KAT6B: variants seen among roughly 807,000 people sequenced by gnomAD.
The protein encoded by KAT6B is lysine acetyltransferase 6B.
A neutral mutation model predicts 187.5 loss-of-function variants in KAT6B; 10 were observed. The ratio of observed to expected loss-of-function variants is 0.05; its 90% CI spans 0.03 to 0.09. KAT6B has a LOEUF of 0.09. KAT6B is among the 10% of genes least tolerant of loss of function. The pLI is 1.00. For synonymous variants in KAT6B, 861 were observed against 926.8 expected (o/e 0.93, Z 1.29); for missense variants, 1,952 against 2,558.9 (o/e 0.76, Z 5.12).
intron 6 of KAT6B, among the ~76,000 whole-genome samples, chr10:74,970,668 C>G (rs1841788390): frequency 6.6e-6 from 1 of 152,076 alleles, no homozygotes; most frequent in Non-Finnish European, 1.5e-5. Flanking sequence ...ATATATTAAA[C>G]ATTTAAAAAT....
At position 74,910,803 on chromosome 10, in the gene KAT6B, A is replaced by G. The variant is rs546531371; in HGVS notation, c.622-49167A>G. ...AGATGTCACCACTCATTTTAATGGA[A>G]GAAGGCATGGAGTAAATACAGATAG... On this transcript the variant is annotated intron_variant, in intron 3 of 17. Transcript: ENST00000287239. Among the ~76,000 whole-genome samples the G allele has an allele frequency of 2.0e-5, 3 of 152,292 alleles. No homozygotes were observed. The South Asian group carries it at 6.2e-4, about 32-fold the overall frequency.
intron 12 of KAT6B, among the ~76,000 whole-genome samples, chr10:74,987,763 C>A (rs111953065): frequency 6.6e-6 from 1 of 152,268 alleles, no homozygotes; most frequent in East Asian, 1.9e-4. Flanking sequence ...CAAAAAACTC[C>A]GAAAGGTGGA....
At chr10:74,926,075 A>T (rs190991741) in intron 3 of KAT6B, among the ~76,000 whole-genome samples, 3 of 152,240 alleles carry the variant, frequency 2.0e-5, no homozygotes. Context: ...TGAATCCTCT[A>T]TAATTGTTGA....
At chr10:74,828,043 A>G (rs1840403238) in intron 1 of KAT6B, among the ~76,000 whole-genome samples, 1 of 152,122 alleles carries the variant, frequency 6.6e-6, no homozygotes, top group Non-Finnish European at 1.5e-5. Context: ...GACATGCACC[A>G]TACCTTGGGA....
intron 13 of KAT6B, among the ~76,000 whole-genome samples, chr10:75,008,615 A>G (rs936804089): frequency 1.3e-5 from 2 of 152,224 alleles, no homozygotes; most frequent in African/African-American, 4.8e-5. Flanking sequence ...AAAGCAGAAG[A>G]TGCTCTGAAG....
At chr10:74,892,787 A>C (rs150301216) in intron 3 of KAT6B, among the ~76,000 whole-genome samples, 7 of 152,298 alleles carry the variant, frequency 4.6e-5, no homozygotes, top group Middle Eastern at 3.4e-3. Flanking sequence ...TGGGATTAGA[A>C]TGGACTCCTG....
chr10:75,016,091 A>T (rs1033824644), intron 13 of KAT6B, among the ~76,000 whole-genome samples: 2 of 152,216 alleles, frequency 1.3e-5, no homozygotes, highest in African/African-American at 4.8e-5. Context: ...TATGCTGGGA[A>T]TTAAATTTAA....
chr10:75,007,149 G>A (rs1844263918), intron 13 of KAT6B, among the ~76,000 whole-genome samples: 1 of 151,860 alleles, frequency 6.6e-6, no homozygotes, highest in African/African-American at 2.4e-5. Flanking sequence ...TGAATTAATG[G>A]ATCTAGACAA....
At chr10:74,910,127 T>G (rs1483753532) in intron 3 of KAT6B, among the ~76,000 whole-genome samples, 1 of 110,258 alleles carries the variant, frequency 9.1e-6, no homozygotes. Context: ...CCATCTCTAC[T>G]AAAAAAAAAA....
intron 3 of KAT6B, among the ~76,000 whole-genome samples, chr10:74,918,295 G>A (rs1193469133): frequency 2.0e-5 from 3 of 152,166 alleles, no homozygotes; most frequent in East Asian, 3.8e-4. Context: ...TCCTGCTCTT[G>A]TTCTAATATA....
At chr10:74,856,527 T>A (rs1346975334) in intron 3 of KAT6B, among the ~76,000 whole-genome samples, 1 of 152,180 alleles carries the variant, frequency 6.6e-6, no homozygotes, top group Non-Finnish European at 1.5e-5. Context: ...GGTAGTTGTC[T>A]TGTAGGATGT....
At chr10:74,992,079 C>T (rs1195315242) in intron 13 of KAT6B, among the ~76,000 whole-genome samples, 4 of 152,098 alleles carry the variant, frequency 2.6e-5, no homozygotes, top group African/African-American at 9.7e-5. Flanking sequence ...TTTTAAAGGA[C>T]TTTTTAATGG....
chr10:74,901,059 A>G (rs1355975786), intron 3 of KAT6B, among the ~76,000 whole-genome samples: 2 of 152,154 alleles, frequency 1.3e-5, no homozygotes, highest in Admixed American at 1.3e-4. Context: ...AATATCTTTT[A>G]TATTTTATAT....
In KAT6B at chr10:74,945,160, T is replaced by C. The variant is rs557218322; in HGVS notation, c.622-14810T>C. ...GTAAATGGATAAACAAATTTAGATA[T>C]ATTCATAAAATGAGGCACTGAGTAA... On this transcript the variant is annotated intron_variant, in intron 3 of 17. Coordinates refer to ENST00000287239, the MANE Select transcript of KAT6B (RefSeq NM_012330.4). Among the ~76,000 whole-genome samples, 4 of 152,330 alleles carry C rather than the reference T, an allele frequency of 2.6e-5. No individual in the cohort carries two copies. The South Asian group carries it at 8.3e-4, about 32-fold the overall frequency.
At chr10:74,980,685 A>T (rs1249978775) in intron 10 of KAT6B, among the ~76,000 whole-genome samples, 1 of 152,196 alleles carries the variant, frequency 6.6e-6, no homozygotes, top group Non-Finnish European at 1.5e-5. Context: ...TACTCCAAAG[A>T]CCTTGCAAGT....
At chr10:75,027,755 C>G (rs1845986374) in intron 17 of KAT6B, among the ~76,000 whole-genome samples, 1 of 152,072 alleles carries the variant, frequency 6.6e-6, no homozygotes. Flanking sequence ...AACCTTACAT[C>G]AGCAACATAT....
chr10:74,830,748 A>ATATATATATATATATATATATATATG (rs1840716302), intron 1 of KAT6B, among the ~76,000 whole-genome samples: 9 of 19,048 alleles, frequency 4.7e-4, no homozygotes, highest in Non-Finnish European at 4.9e-4. Flanking sequence ...ATATATATAT[A>ATATATATATATATATATATATATATG]TATATATATA....
chr10:74,938,978 C>G (rs754873189), intron 3 of KAT6B, among the ~76,000 whole-genome samples: 4 of 152,058 alleles, frequency 2.6e-5, no homozygotes, highest in Admixed American at 2.0e-4. Flanking sequence ...CTCAGGTGAT[C>G]TGCTCACCTC....
At chr10:74,890,421 T>C (rs1052313136) in intron 3 of KAT6B, among the ~76,000 whole-genome samples, 2 of 152,238 alleles carry the variant, frequency 1.3e-5, no homozygotes, top group Non-Finnish European at 2.9e-5. Flanking sequence ...GGCAGATTGC[T>C]TGAGGCTAGG....
Sources: allele counts gnomAD v4.1 joint callset (sites outside exome capture counted in the v4.1 genomes callset), GRCh38; gene constraint gnomAD v4.1.1; transcripts MANE v1.5; gene names NCBI Gene and HGNC (gene_info 2026-07-23, HGNC 2026-07-21).